ST6GALNAC4: variants seen among roughly 807,000 people sequenced by gnomAD.
The protein encoded by ST6GALNAC4 is alpha-N-acetyl-neuraminyl-2,3-beta-galactosyl-1,3-N-acetyl-galactosaminide alpha-2,6-sialyltransferase.
In ST6GALNAC4, 24 loss-of-function variants were observed where a neutral mutation model predicts 30.4. The ratio of observed to expected loss-of-function variants is 0.79; its 90% CI spans 0.57 to 1.11. ST6GALNAC4 has a LOEUF of 1.11. Among genes scored for constraint, ST6GALNAC4 ranks in the 50% most tolerant of loss-of-function variants. The probability of loss-of-function intolerance (pLI) is 0.00; values close to 1 mark genes in which losing one functional copy is unlikely to be tolerated. For missense variants in ST6GALNAC4, 365 were observed against 430.1 expected (o/e 0.85, Z 1.34); for synonymous variants, 156 against 179.7 (o/e 0.87, Z 1.05).
intron 4 of ST6GALNAC4, among the ~76,000 whole-genome samples, 169 bp downstream of exon 4, chr9:127,912,099 A>G (rs995635043): frequency 6.6e-6 from 1 of 152,112 alleles, no homozygotes; most frequent in African/African-American, 2.4e-5. Flanking sequence ...CAGTTTCCTG[A>G]GTGACATCCC....
intron 4 of ST6GALNAC4, among the ~76,000 whole-genome samples, chr9:127,910,765 C>A (rs1424187413): frequency 6.6e-6 from 1 of 152,194 alleles, no homozygotes; most frequent in Non-Finnish European, 1.5e-5. Context: ...AGGCCCTGTG[C>A]TGGCCCAGAA....
chr9:127,914,799 C>T lies in ST6GALNAC4; in HGVS notation c.55G>A (p.Ala19Thr). 6.3e-7 allele frequency: 1 copy of T among 1,583,276 alleles called. No individual in the cohort carries two copies. Among genetic ancestry groups the T allele is most frequent in the South Asian group, 1.1e-5 (1 of 87,820 alleles). Reference sequence around the variant, plus strand: ...CAGCAGCACAGGAGGATGTAGACGGCAGAGAAGACCACGGAGCACAGGATG... The same window carrying T: ...CAGCAGCACAGGAGGATGTAGACGGTAGAGAAGACCACGGAGCACAGGATG... The part of the protein sequence containing the change: ...LIILCSVVFS[A>T]VYILLCCWAG... Residue 19 changes from alanine to threonine, a missense_variant, in exon 3 of 6, where the codon GCC becomes ACC. By Grantham distance (58) the Ala-to-Thr change is moderately conservative (BLOSUM62 0). Coordinates refer to ENST00000335791, the MANE Select transcript of ST6GALNAC4 (RefSeq NM_175039.4).
chr9:127,909,262 G>GCA (rs1831014007), intron 5 of ST6GALNAC4, among the ~76,000 whole-genome samples: 1 of 151,900 alleles, frequency 6.6e-6, no homozygotes, highest in Non-Finnish European at 1.5e-5. Context: ...GGTGGCACGT[G>GCA]CCTGTAATCC....
At chr9:127,910,197 G>A (rs1831045951) in intron 4 of ST6GALNAC4, 139 bp from the exon 5 acceptor site, 3 of 1,438,784 alleles carry the variant, frequency 2.1e-6, no homozygotes, top group Non-Finnish European at 2.7e-6. Context: ...GGAGGCTGGG[G>A]AGGGGACAGA....
chr9:127,912,721 C>T, intron 3 of ST6GALNAC4, 41 bp from the exon 4 acceptor site: 1 of 1,506,482 alleles, frequency 6.6e-7, no homozygotes, highest in East Asian at 2.4e-5. Flanking sequence ...GAGGCATGAA[C>T]ACGCAGCTTA....
In ST6GALNAC4 at chr9:127,912,259, C is replaced by T; in HGVS notation, c.611+9G>A. 5 of 1,600,702 alleles carry T rather than the reference C, an allele frequency of 3.1e-6. No individual in the cohort carries two copies. The highest frequency in any genetic ancestry group is 1.1e-5 in the South Asian group (1 of 89,670). ...CAGAGAGACCCCAGCAGGCAGGCCCCAGGCTCACCGGTTCTTGCCCGTCTC... is the reference window on the plus strand; with the variant it reads ...CAGAGAGACCCCAGCAGGCAGGCCCTAGGCTCACCGGTTCTTGCCCGTCTC... On this transcript the variant is annotated intron_variant, in intron 4 of 5. Transcript: ENST00000335791.
At chr9:127,912,007 TAC>T (rs1331138737) in intron 4 of ST6GALNAC4, among the ~76,000 whole-genome samples, 1 of 152,216 alleles carries the variant, frequency 6.6e-6, no homozygotes, top group Non-Finnish European at 1.5e-5. Flanking sequence ...CTCATGCCCC[TAC>T]ACACTGGCTA....
intron 5 of ST6GALNAC4, 141 bp from the exon 6 acceptor site, chr9:127,908,722 T>A: frequency 1.6e-6 from 1 of 631,450 alleles, no homozygotes; most frequent in Non-Finnish European, 2.4e-6. Context: ...CCAAGACACA[T>A]AGGGGAGTAG....
In ST6GALNAC4 at chr9:127,912,638, T is replaced by C. The variant is rs768946603; in HGVS notation, c.241A>G (p.Ser81Gly). 13 of 1,598,134 alleles carry C rather than the reference T, an allele frequency of 8.1e-6. No individual in the cohort carries two copies. Among genetic ancestry groups the C allele is most frequent in the Non-Finnish European group, 1.1e-5 (13 of 1,175,422 alleles). The change falls in exon 4 of 6, where the codon AGC becomes GGC. Residue 81 changes from serine to glycine, a missense_variant. Coordinates refer to ENST00000335791, the MANE Select transcript of ST6GALNAC4 (RefSeq NM_175039.4). ...CCTGAGCCCAGCATTTGGCCGGAGC[T>C]GGACACCACGGCACAGCTGCGGCAG... ...EPCRSCAVVS[S>G]SGQMLGSGLG... is the part of the protein sequence containing the mutation.
Position 127,914,739 on chromosome 9 carries a change from CCAGG to C in ST6GALNAC4, c.111_114del (p.Cys37TrpfsTer66). 6.2e-7 allele frequency: 1 copy of C among 1,609,520 alleles called. No individual in the cohort carries two copies. Among genetic ancestry groups the C allele is most frequent in the Non-Finnish European group, 8.5e-7 (1 of 1,177,888 alleles). Reference sequence around the variant, plus strand: ...CTGGAGCCTGTGGGGAAGTGGTGGTCCAGGCAGGTGGCCAGGCAGAGGGGCAGGC... The same window carrying C: ...CTGGAGCCTGTGGGGAAGTGGTGGTCCAGGTGGCCAGGCAGAGGGGCAGGC... On this transcript the variant is annotated frameshift_variant, in exon 3 of 6. Coordinates refer to ENST00000335791, the MANE Select transcript of ST6GALNAC4 (RefSeq NM_175039.4). LOFTEE classifies it high-confidence loss of function.
chr9:127,911,754 G>A (rs945903722), intron 4 of ST6GALNAC4, among the ~76,000 whole-genome samples: 3 of 152,240 alleles, frequency 2.0e-5, no homozygotes, highest in Admixed American at 6.5e-5. Context: ...CAAAGTGCTC[G>A]GATTACAGGC....
rs180812222 is a variant in ST6GALNAC4 at position 127,910,094 on chromosome 9, C to T, written c.612-36G>A. On this transcript the variant is annotated intron_variant, in intron 4 of 5. Coordinates refer to ENST00000335791, the MANE Select transcript of ST6GALNAC4 (RefSeq NM_175039.4). ...CGGGGGGACAGGGGGACGCTGTCAACAAGAGGCCATGTGGTAGCTCCAGGC... is the reference window on the plus strand; with the variant it reads ...CGGGGGGACAGGGGGACGCTGTCAATAAGAGGCCATGTGGTAGCTCCAGGC... 1.0e-5 allele frequency: 16 copies of T among 1,606,778 alleles called. No homozygotes were observed. The Admixed American group carries it at 2.4e-4, about 24-fold the overall frequency.
intron 3 of ST6GALNAC4, among the ~76,000 whole-genome samples, chr9:127,913,334 C>T (rs914826906): frequency 5.9e-5 from 9 of 152,334 alleles, no homozygotes; most frequent in Middle Eastern, 3.4e-3. Context: ...CCTGTAATCC[C>T]AGCACTTTGG....
At position 127,909,694 on chromosome 9, in the gene ST6GALNAC4, C is replaced by CA. The variant is rs536080933; in HGVS notation, c.719+256dup. On this transcript the variant is annotated intron_variant, in intron 5 of 5. Transcript: ENST00000335791. ...TTTCTCTATTTTCCACATAAGGAAA[C>CA]AGAGGGTCTGCGGGGTGGCATGACT... 2.9e-4 allele frequency among the ~76,000 whole-genome samples: 44 copies of CA among 151,778 alleles called. No homozygotes were observed. In the East Asian group the frequency reaches 8.2e-3, roughly 28 times the overall value.
At chr9:127,915,131 G>A (rs905226514) in intron 2 of ST6GALNAC4, among the ~76,000 whole-genome samples, 1 of 152,162 alleles carries the variant, frequency 6.6e-6, no homozygotes, top group Non-Finnish European at 1.5e-5. Flanking sequence ...CAGCACAGTG[G>A]GGCCTTAAAT....
intron 4 of ST6GALNAC4, among the ~76,000 whole-genome samples, chr9:127,911,034 GAGA>G (rs886917122): frequency 2.6e-5 from 4 of 152,158 alleles, no homozygotes; most frequent in African/African-American, 7.2e-5. Flanking sequence ...GAAGATCTGG[GAGA>G]AGAACATTCC....
In ST6GALNAC4 at chr9:127,909,972, A is replaced by G. The variant is rs1189745274; in HGVS notation, c.698T>C (p.Met233Thr). 6.2e-7 allele frequency: 1 copy of G among 1,613,332 alleles called. No homozygotes were observed. Among genetic ancestry groups the G allele is most frequent in the Non-Finnish European group, 8.5e-7 (1 of 1,179,950 alleles). The change falls in exon 5 of 6, where the codon ATG becomes ACG. Residue 233 changes from methionine (M) to threonine (T), a missense_variant. Transcript: ENST00000335791. ...ELCEEIVVYG[M>T]VSDSYCREKS... ...TGACCTGCAGTAGCTGTCGCTGACC[A>G]TCCCATAGACCACGATCTCCTCACA...
intron 4 of ST6GALNAC4, among the ~76,000 whole-genome samples, chr9:127,911,831 C>T (rs1831080045): frequency 1.3e-5 from 2 of 152,294 alleles, no homozygotes; most frequent in South Asian, 4.1e-4. Flanking sequence ...CCATGTCAGC[C>T]AGGCTGGCCT....
At position 127,908,259 on chromosome 9, in the gene ST6GALNAC4, G is replaced by C. The variant is rs1830976427; in HGVS notation, c.*133C>G. On this transcript the variant is annotated 3_prime_UTR_variant, in exon 6 of 6. Coordinates refer to ENST00000335791, the MANE Select transcript of ST6GALNAC4 (RefSeq NM_175039.4). ...AAGTGTCGCCAGAATGGGGCGGGAA[G>C]GAACCTTAGGTCCACCCAGCACGTG... 1.2e-6 allele frequency: 1 copy of C among 861,572 alleles called. No individual in the cohort carries two copies. Among genetic ancestry groups the C allele is most frequent in the Non-Finnish European group, 1.6e-6 (1 of 615,418 alleles). The allele number at this position is 861,572 out of a possible 1,614,324, so 53.4% of individuals were successfully genotyped here.
Sources: allele counts gnomAD v4.1 joint callset (sites outside exome capture counted in the v4.1 genomes callset), GRCh38; gene constraint gnomAD v4.1.1; transcripts MANE v1.5; gene names NCBI Gene and HGNC (gene_info 2026-07-23, HGNC 2026-07-21).